The following BET1 variants were observed in gnomAD, a reference collection of about 807,000 sequenced individuals.
BET1 encodes Bet1 golgi vesicular membrane trafficking protein, also known as BET1 homolog.
In BET1, 9 loss-of-function variants were observed where a neutral mutation model predicts 13.9. That is an observed-to-expected ratio of 0.65 (90% CI 0.39 to 1.13). BET1 has a LOEUF of 1.13. Among genes scored for constraint, BET1 ranks in the 50% most tolerant of loss-of-function variants. The pLI is 0.01. For synonymous variants in BET1, 39 were observed against 47.3 expected (o/e 0.82, Z 0.72); for missense variants, 127 against 133.6 (o/e 0.95, Z 0.24).
At chr7:93,971,262 A>G (rs769395147) in intron 6 of BET1, among the ~76,000 whole-genome samples, 68 of 151,804 alleles carry the variant, frequency 4.5e-4, no homozygotes, top group African/African-American at 1.3e-3. Context: ...TTAACAATAT[A>G]TCTTGCTAAA....
chr7:93,993,926 C>T lies in BET1; in HGVS notation c.*304G>A. 1.3e-6 allele frequency: 2 copies of T among 1,534,916 alleles called. No individual in the cohort carries two copies. The highest frequency in any genetic ancestry group is 1.7e-6 in the Non-Finnish European group (2 of 1,146,466). On this transcript the variant is annotated 3_prime_UTR_variant, in exon 4 of 4. Coordinates refer to ENST00000222547, the MANE Select transcript of BET1 (RefSeq NM_005868.6). Reference sequence around the variant, plus strand: ...GGACATAAACCTGCATTTATGATTACAACAAAATATTATAATGCTATTTAA... The same window carrying T: ...GGACATAAACCTGCATTTATGATTATAACAAAATATTATAATGCTATTTAA...
intron 6 of BET1, among the ~76,000 whole-genome samples, chr7:93,965,914 T>G (rs1795164932): frequency 6.6e-6 from 1 of 151,978 alleles, no homozygotes; most frequent in Non-Finnish European, 1.5e-5. Flanking sequence ...GCTTTTAAAG[T>G]TTTTACAGAC....
At chr7:93,969,924 C>T (rs1324546174) in intron 6 of BET1, among the ~76,000 whole-genome samples, 1 of 151,516 alleles carries the variant, frequency 6.6e-6, no homozygotes, top group Non-Finnish European at 1.5e-5. Flanking sequence ...ACAATGTATA[C>T]TATTTGAAAT....
chr7:93,992,861 C>G, downstream of BET1: 2 of 978,188 alleles, frequency 2.0e-6, no homozygotes, highest in South Asian at 9.5e-5. Flanking sequence ...CCCAGGTCAT[C>G]TAACTCAAAC....
intron 6 of BET1, among the ~76,000 whole-genome samples, chr7:93,969,854 CA>C (rs1244908399): frequency 2.6e-5 from 4 of 151,752 alleles, no homozygotes; most frequent in Non-Finnish European, 5.9e-5. Context: ...ATGATGATTT[CA>C]AATGCCCTAC....
chr7:94,004,342 GC>G lies in BET1; in HGVS notation c.-127del. On this transcript the variant is annotated 5_prime_UTR_variant, in exon 1 of 4. An upstream open reading frame in the 5' UTR loses its in-frame stop. Transcript: ENST00000222547. ...AAACACCAACTTCTTCCCCTAAAGC[GC>G]CACGACATCAGTGGAGTCTAAACAC... 1 of 1,319,618 alleles carries G rather than the reference GC, an allele frequency of 7.6e-7. No homozygotes were observed. The highest frequency in any genetic ancestry group is 1.1e-6 in the Non-Finnish European group (1 of 920,762). The allele number at this position is 1,319,618 out of a possible 1,614,324, so 81.7% of individuals were successfully genotyped here.
At chr7:93,971,455 G>C (rs545395397) in intron 6 of BET1, among the ~76,000 whole-genome samples, 16 of 151,016 alleles carry the variant, frequency 1.1e-4, no homozygotes, top group Non-Finnish European at 2.1e-4. Flanking sequence ...GTTTTTCTTG[G>C]AATAACAGTT....
At chr7:93,988,005 C>G (rs1562804250) in intron 4 of BET1, among the ~76,000 whole-genome samples, 3 of 152,118 alleles carry the variant, frequency 2.0e-5, no homozygotes, top group Non-Finnish European at 4.4e-5. Context: ...AGAAGCTCAG[C>G]TAGTAAGTAA....
chr7:93,980,053 A>G (rs1562801987), intron 4 of BET1, among the ~76,000 whole-genome samples: 1 of 152,142 alleles, frequency 6.6e-6, no homozygotes, highest in East Asian at 1.9e-4. Flanking sequence ...AATTCCTAGA[A>G]ACCTACAGTC....
chr7:93,989,563 A>G (rs1485080103), downstream of BET1, among the ~76,000 whole-genome samples: 2 of 152,176 alleles, frequency 1.3e-5, no homozygotes, highest in African/African-American at 4.8e-5. Context: ...CAAACTTCAC[A>G]GTAGGGAGCC....
At chr7:93,992,981 C>G (rs1420775306), downstream of BET1, 7 of 984,718 alleles carry the variant, frequency 7.1e-6, no homozygotes, top group East Asian at 8.0e-4. Context: ...ACGAATGAAG[C>G]CAGAAAAAAT....
At chr7:93,966,626 A>C (rs1795178095) in intron 6 of BET1, among the ~76,000 whole-genome samples, 1 of 147,564 alleles carries the variant, frequency 6.8e-6, no homozygotes, top group African/African-American at 2.5e-5. Flanking sequence ...TTGGTGGGAG[A>C]TAGGGGAATA....
downstream of BET1, chr7:93,992,579 G>A: frequency 1.0e-6 from 1 of 985,308 alleles, no homozygotes; most frequent in Non-Finnish European, 1.2e-6. Context: ...GAATGAATGA[G>A]TCACTCTCCA....
intron 4 of BET1, among the ~76,000 whole-genome samples, chr7:93,981,876 A>G (rs1355302372): frequency 5.3e-5 from 8 of 152,188 alleles, no homozygotes; most frequent in Non-Finnish European, 2.9e-5. Flanking sequence ...AAGTCACGGC[A>G]TTAAACTATA....
At chr7:93,976,009 T>C in exon 5 of BET1, 2 of 1,280,708 alleles carry the variant, frequency 1.6e-6, no homozygotes, top group Non-Finnish European at 2.0e-6. Flanking sequence ...TCCTTCTTTT[T>C]AAGCTTCTGG....
At chr7:93,962,846 G>T (rs1218135606) in exon 7 of BET1, 3 of 151,188 alleles carry the variant, frequency 2.0e-5, no homozygotes, top group Non-Finnish European at 4.4e-5. Flanking sequence ...TGAGCTAATA[G>T]ATTCCCAACA....
chr7:93,970,151 A>C (rs752603950), intron 6 of BET1, among the ~76,000 whole-genome samples: 9 of 151,872 alleles, frequency 5.9e-5, no homozygotes, highest in Non-Finnish European at 1.2e-4. Context: ...AATTTTGTAC[A>C]ATCTAACATT....
chr7:93,974,379 C>T (rs1408372942), intron 5 of BET1, among the ~76,000 whole-genome samples: 1 of 151,904 alleles, frequency 6.6e-6, no homozygotes, highest in African/African-American at 2.4e-5. Flanking sequence ...GGAACCAGAA[C>T]TCCTTGGAGA....
intron 6 of BET1, among the ~76,000 whole-genome samples, chr7:93,967,896 A>C (rs2116017613): frequency 6.6e-6 from 1 of 151,968 alleles, no homozygotes; most frequent in Middle Eastern, 3.4e-3. Context: ...TTTGCCCATA[A>C]AGGAAACAAC....
Sources: gnomAD v4.1 joint callset for allele counts (sites outside exome capture counted in the v4.1 genomes callset) on GRCh38, gnomAD v4.1.1 for gene constraint, MANE v1.5 for transcripts, NCBI Gene and HGNC (gene_info 2026-07-23, HGNC 2026-07-21) for gene names.